The following COBL variants were observed in gnomAD, a reference collection of about 807,000 sequenced individuals.
COBL encodes the protein protein cordon-bleu.
COBL carries 51 observed loss-of-function variants against 98.8 expected under a neutral mutation model. The ratio of observed to expected loss-of-function variants is 0.52; its 90% CI spans 0.41 to 0.65. The LOEUF (loss-of-function observed/expected upper bound fraction) is 0.65, where lower values mean the gene tolerates loss of function less well. Ranked by LOEUF, COBL falls within the 30% of genes least tolerant of loss-of-function variation. The pLI is 0.00. For missense variants in COBL, 1,617 were observed against 1,617.5 expected, an observed-to-expected ratio of 1.00 and a Z score of 0.01; for synonymous variants, 634 against 651.7, an observed-to-expected ratio of 0.97 and a Z score of 0.41.
intron 6 of COBL, among the ~76,000 whole-genome samples, chr7:51,133,999 C>A (rs1047362110): frequency 2.2e-4 from 33 of 152,174 alleles, no homozygotes; most frequent in Non-Finnish European, 8.8e-5. Context: ...CATTTTCTTA[C>A]AAACTAGTCA....
intron 4 of COBL, among the ~76,000 whole-genome samples, chr7:51,189,470 C>T (rs940233403): frequency 1.3e-5 from 2 of 152,086 alleles, no homozygotes; most frequent in African/African-American, 4.8e-5. Flanking sequence ...CCCGTCTCTA[C>T]TAAAAACACA....
At position 51,316,806 on chromosome 7, in the gene COBL, C is replaced by T. The variant is rs1442222009; in HGVS notation, c.-173G>A. 3 of 442,010 alleles carry T rather than the reference C, an allele frequency of 6.8e-6. No individual in the cohort carries two copies. Among genetic ancestry groups the T allele is most frequent in the Admixed American group, 4.9e-5 (1 of 20,460 alleles). The allele number at this position is 442,010 out of a possible 1,614,324, so 27.4% of individuals were successfully genotyped here. A position where few individuals can be genotyped will look rare whatever the true frequency, so the allele number is the denominator to read the frequency against. Reference sequence around the variant, plus strand: ...GGCGGACGGAAGGGGCTGGAATCGTCTCTAGCGGGCGGGGGCGCCGGGAGC... The same window carrying T: ...GGCGGACGGAAGGGGCTGGAATCGTTTCTAGCGGGCGGGGGCGCCGGGAGC... On this transcript the variant is annotated 5_prime_UTR_variant, in exon 1 of 13. Coordinates refer to ENST00000265136, the MANE Select transcript of COBL (RefSeq NM_015198.5).
chr7:51,286,445 A>G (rs1041321213), intron 1 of COBL, among the ~76,000 whole-genome samples: 2 of 152,108 alleles, frequency 1.3e-5, no homozygotes, highest in Non-Finnish European at 2.9e-5. Flanking sequence ...TTAAAATGGC[A>G]AAGGACATGA....
At chr7:51,176,480 T>C (rs565225403) in intron 5 of COBL, among the ~76,000 whole-genome samples, 97 of 152,232 alleles carry the variant, frequency 6.4e-4, no homozygotes, top group African/African-American at 2.3e-3. Context: ...TAAAAGTTTC[T>C]CAGTTGATTG....
chr7:51,240,034 T>C (rs1795640669), intron 1 of COBL, among the ~76,000 whole-genome samples: 1 of 152,226 alleles, frequency 6.6e-6, no homozygotes, highest in South Asian at 2.1e-4. Context: ...GAATCTCATA[T>C]AATTTTTTTA....
chr7:51,144,241 T>C (rs556560285), intron 5 of COBL, among the ~76,000 whole-genome samples: 2 of 152,300 alleles, frequency 1.3e-5, no homozygotes, highest in African/African-American at 2.4e-5. Context: ...ATTTTACATA[T>C]ATGAACCCAC....
At chr7:51,085,995 A>T (rs1794198380) in intron 6 of COBL, among the ~76,000 whole-genome samples, 1 of 152,174 alleles carries the variant, frequency 6.6e-6, no homozygotes, top group Non-Finnish European at 1.5e-5. Flanking sequence ...GCAGCTCATG[A>T]ATACTGGGCA....
intron 5 of COBL, among the ~76,000 whole-genome samples, chr7:51,158,876 A>G (rs1271162983): frequency 6.6e-6 from 1 of 151,474 alleles, no homozygotes; most frequent in Non-Finnish European, 1.5e-5. Context: ...GAGACAGGGA[A>G]GGCGTGGGGG....
Position 51,150,324 on chromosome 7 carries a change from T to C in COBL, c.784-13993A>G, listed in dbSNP as rs2129020863. Among the ~76,000 whole-genome samples the C allele has an allele frequency of 2.0e-5, 3 of 152,272 alleles. 1 individual carries two copies. Among genetic ancestry groups the C allele is most frequent in the Middle Eastern group, 6.8e-3 (2 of 294 alleles). ...AGACAGCTTCCTACATTTCTGATAGTGCTCATGATTGAACGTAGGTGTTAG... is the reference window on the plus strand; with the variant it reads ...AGACAGCTTCCTACATTTCTGATAGCGCTCATGATTGAACGTAGGTGTTAG... On this transcript the variant is annotated intron_variant, in intron 5 of 12. Coordinates refer to ENST00000265136, the MANE Select transcript of COBL (RefSeq NM_015198.5).
chr7:51,095,484 CGGAA>C (rs1795191891), intron 6 of COBL, among the ~76,000 whole-genome samples: 1 of 152,086 alleles, frequency 6.6e-6, no homozygotes, highest in Non-Finnish European at 1.5e-5. Flanking sequence ...ACAAGATATA[CGGAA>C]ACCAATTAAC....
chr7:51,217,955 A>C (rs1326509244), intron 2 of COBL, among the ~76,000 whole-genome samples: 1 of 152,198 alleles, frequency 6.6e-6, no homozygotes, highest in Non-Finnish European at 1.5e-5. Context: ...CTTTGAGCCC[A>C]GGCACCTCCC....
chr7:51,153,577 T>C (rs1029502777), intron 5 of COBL, among the ~76,000 whole-genome samples: 1 of 152,216 alleles, frequency 6.6e-6, no homozygotes, highest in East Asian at 1.9e-4. Context: ...TACAATCTCA[T>C]AGATAGGCTT....
At position 51,047,363 on chromosome 7, in the gene COBL, T is replaced by C. The variant is rs78079696; in HGVS notation, c.1097-3671A>G. ...TCAGAGGCCATTACATATCTCTGAA[T>C]GAGCTTTGGTAAATTCTTCAGCTCA... is the stretch of plus-strand genomic sequence containing the variant. On this transcript the variant is annotated intron_variant, in intron 7 of 12. Transcript: ENST00000265136. Among the ~76,000 whole-genome samples the C allele has an allele frequency of 4.5e-3, 679 of 152,326 alleles. 6 individuals carry two copies. Among genetic ancestry groups the C allele is most frequent in the African/African-American group, 0.015 (625 of 41,574 alleles).
At chr7:51,285,115 T>A (rs1247941553) in intron 1 of COBL, among the ~76,000 whole-genome samples, 1 of 151,882 alleles carries the variant, frequency 6.6e-6, no homozygotes. Flanking sequence ...CCTGGCTAAT[T>A]TTTGTATTTT....
chr7:51,105,339 C>T (rs1353199931), intron 6 of COBL, among the ~76,000 whole-genome samples: 1 of 152,192 alleles, frequency 6.6e-6, no homozygotes, highest in Non-Finnish European at 1.5e-5. Context: ...GCCTGCCTGC[C>T]CTGCTACCCA....
intron 6 of COBL, among the ~76,000 whole-genome samples, chr7:51,101,335 T>C (rs749867887): frequency 1.3e-5 from 2 of 152,232 alleles, no homozygotes; most frequent in African/African-American, 4.8e-5. Context: ...TTGTCAGCCA[T>C]AAATATTTAT....
chr7:51,273,979 C>CT (rs1350842351), intron 1 of COBL, among the ~76,000 whole-genome samples: 1 of 152,144 alleles, frequency 6.6e-6, no homozygotes, highest in Non-Finnish European at 1.5e-5. Flanking sequence ...CAAATGCGAT[C>CT]TTCTTCAGTC....
At chr7:51,158,162 G>A (rs1478844405) in intron 5 of COBL, among the ~76,000 whole-genome samples, 1 of 152,170 alleles carries the variant, frequency 6.6e-6, no homozygotes, top group Non-Finnish European at 1.5e-5. Flanking sequence ...TTTGTTAATG[G>A]TGGATGATTG....
At chr7:51,175,366 T>G (rs1423843463) in intron 5 of COBL, among the ~76,000 whole-genome samples, 7 of 152,192 alleles carry the variant, frequency 4.6e-5, no homozygotes, top group African/African-American at 1.7e-4. Flanking sequence ...ATTAAGAGAT[T>G]TGAGAATTTT....
Sources: gnomAD v4.1 joint callset for allele counts (sites outside exome capture counted in the v4.1 genomes callset) on GRCh38, gnomAD v4.1.1 for gene constraint, MANE v1.5 for transcripts, NCBI Gene and HGNC (gene_info 2026-07-23, HGNC 2026-07-21) for gene names.